The following COL4A4 variants were observed in gnomAD, a reference collection of about 807,000 sequenced individuals.
COL4A4 encodes collagen alpha-4(IV) chain.
A neutral mutation model predicts 192.9 loss-of-function variants in COL4A4; 105 were observed. The observed-to-expected ratio is 0.54, with a 90% CI of 0.46 to 0.64. COL4A4 has a LOEUF of 0.64. Among genes scored for constraint, COL4A4 ranks in the 30% least tolerant of loss-of-function variants. The pLI, the probability that COL4A4 is intolerant of heterozygous loss-of-function variation, is 0.00. For missense variants in COL4A4, 1,967 were observed against 2,169.3 expected, an observed-to-expected ratio of 0.91 and a Z score of 1.85; for synonymous variants, 762 against 769.9, an observed-to-expected ratio of 0.99 and a Z score of 0.17.
the COL4A4 span, among the ~76,000 whole-genome samples, chr2:226,974,741 A>G: frequency 6.6e-6 from 1 of 152,216 alleles, no homozygotes; most frequent in Non-Finnish European, 1.5e-5. Flanking sequence ...ACCCAAGAGC[A>G]GGGTGGATAC....
chr2:227,103,916 T>C, intron 13 of COL4A4, 56 bp downstream of exon 13: 1 of 1,382,678 alleles, frequency 7.2e-7, no homozygotes, highest in South Asian at 1.2e-5. Context: ...CAGATCCATG[T>C]CAAAAAATAT....
Position 227,059,511 on chromosome 2 carries a change from C to T in COL4A4, c.2277G>A (p.Pro759=), listed in dbSNP as rs376082013. Residue 759 remains proline, a synonymous_variant, in exon 28 of 48, where the codon CCG becomes CCA. Coordinates refer to ENST00000396625, the MANE Select transcript of COL4A4 (RefSeq NM_000092.5). ...CCAGGTGACCAAATGCAGGGTCTCC[C>T]GGGATTCCTTTCTGACCATTCACTC... ...SPGVNGQKGI[P]GDPAFGHLGP... is the part of the protein sequence containing the mutation. The T allele has an allele frequency of 9.9e-6, 16 of 1,614,004 alleles. No individual in the cohort carries two copies. Among genetic ancestry groups the T allele is most frequent in the South Asian group, 3.3e-5 (3 of 91,094 alleles).
At chr2:227,133,736 A>G (rs1404924152) in intron 4 of COL4A4, among the ~76,000 whole-genome samples, 11 of 152,196 alleles carry the variant, frequency 7.2e-5, no homozygotes, top group Non-Finnish European at 1.3e-4. Context: ...TACTAAAAAT[A>G]CAAACATTAG....
At position 227,012,179 on chromosome 2, in the gene COL4A4, A is replaced by T. The variant is rs755927061; in HGVS notation, c.4333+2T>A. The T allele has an allele frequency of 6.2e-7, 1 of 1,607,662 alleles. No homozygotes were observed. Among genetic ancestry groups the T allele is most frequent in the Admixed American group, 1.7e-5 (1 of 60,014 alleles). ...AGAAAAGAGGAGTGACTGAAACTCT[A>T]CCTGGTCCTCCAGGGTAGCCGTCTT... On this transcript the variant is annotated splice_donor_variant, in intron 45 of 47. Transcript: ENST00000396625. LOFTEE classifies it high-confidence loss of function.
chr2:227,029,048 G>A (rs1015541869), intron 41 of COL4A4, among the ~76,000 whole-genome samples: 6 of 152,188 alleles, frequency 3.9e-5, no homozygotes, highest in Non-Finnish European at 7.3e-5. Flanking sequence ...TTGTCACTGT[G>A]TAAGTCATAA....
chr2:227,146,553 CCA>C (rs2125376507), intron 2 of COL4A4, among the ~76,000 whole-genome samples: 1 of 152,276 alleles, frequency 6.6e-6, no homozygotes, highest in Admixed American at 6.5e-5. Flanking sequence ...TCACACGTTA[CCA>C]CACACTCAGA....
chr2:227,084,111 TAGAA>T (rs1474852473), intron 22 of COL4A4, among the ~76,000 whole-genome samples: 1 of 152,224 alleles, frequency 6.6e-6, no homozygotes, highest in African/African-American at 2.4e-5. Flanking sequence ...ATCAATATAT[TAGAA>T]AGAATTAGAA....
At chr2:227,150,575 C>T (rs544920884) in intron 1 of COL4A4, among the ~76,000 whole-genome samples, 29 of 152,160 alleles carry the variant, frequency 1.9e-4, no homozygotes, top group Non-Finnish European at 3.2e-4. Context: ...AGAAGAAATA[C>T]CTGAGACTGG....
rs959859102 is a variant in COL4A4, at chr2:227,123,588, C to T, written c.193-2440G>A. Among the ~76,000 whole-genome samples the T allele has an allele frequency of 6.6e-6, 1 of 152,180 alleles. No individual in the cohort carries two copies. Among genetic ancestry groups the T allele is most frequent in the Non-Finnish European group, 1.5e-5 (1 of 68,030 alleles). ...GCCCACATCTCAGTGTTATCCCGCC[C>T]TAGGGGAAGGGAGTGGGGGTATTTA... On this transcript the variant is annotated intron_variant, in intron 4 of 47. Transcript: ENST00000396625. The surrounding 1 kb of genome is among the most constrained non-coding windows in gnomAD (Gnocchi z 4.6).
chr2:227,054,586 T>G lies in COL4A4; in HGVS notation c.2860+8A>C. 6.2e-7 allele frequency: 1 copy of G among 1,614,138 alleles called. No individual in the cohort carries two copies. The highest frequency in any genetic ancestry group is 1.6e-4 in the Middle Eastern group (1 of 6,062). Reference sequence around the variant, plus strand: ...CAAATGCATGTTGCATGGCTGTATTTTATTTACCTTTGGCCCCTCTCAGTC... The same window carrying G: ...CAAATGCATGTTGCATGGCTGTATTGTATTTACCTTTGGCCCCTCTCAGTC... On this transcript the variant is annotated splice_region_variant and intron_variant, in intron 31 of 47. Coordinates refer to ENST00000396625, the MANE Select transcript of COL4A4 (RefSeq NM_000092.5).
intron 44 of COL4A4, among the ~76,000 whole-genome samples, chr2:227,021,231 G>A (rs1004899403): frequency 6.6e-6 from 1 of 152,086 alleles, no homozygotes; most frequent in East Asian, 1.9e-4. Context: ...ACTTGAATAA[G>A]GATCCTGCCA....
At chr2:227,027,249 C>CA (rs35287644) in intron 42 of COL4A4, among the ~76,000 whole-genome samples, 2,358 of 121,564 alleles carry the variant, frequency 0.019, 67 homozygotes, top group African/African-American at 0.061. Flanking sequence ...AAGACTGTCT[C>CA]AAAAAAAAAA....
chr2:227,141,412 T>G (rs1326883243), intron 3 of COL4A4, among the ~76,000 whole-genome samples: 2 of 152,176 alleles, frequency 1.3e-5, no homozygotes, highest in Non-Finnish European at 2.9e-5. Context: ...TATGTATGTG[T>G]GAATGCATTG....
chr2:226,975,540 A>T, the COL4A4 span, among the ~76,000 whole-genome samples: 1 of 152,118 alleles, frequency 6.6e-6, no homozygotes, highest in Non-Finnish European at 1.5e-5. Flanking sequence ...TCCTACTCAG[A>T]TGATAGAAAA....
chr2:227,148,351 A>G (rs1006409554), intron 1 of COL4A4, among the ~76,000 whole-genome samples: 54 of 152,270 alleles, frequency 3.5e-4, no homozygotes, highest in Non-Finnish European at 1.5e-4. Context: ...GATATGTGCT[A>G]CAGCATGAAT....
intron 21 of COL4A4, 123 bp from the exon 22 acceptor site, chr2:227,088,939 A>T: frequency 8.6e-7 from 1 of 1,169,516 alleles, no homozygotes. Context: ...CTTCTTGCAG[A>T]CAATTGAGAG....
intron 37 of COL4A4, among the ~76,000 whole-genome samples, chr2:227,037,997 T>C (rs1351137855): frequency 6.6e-6 from 1 of 152,182 alleles, no homozygotes; most frequent in African/African-American, 2.4e-5. Context: ...ATTGCAAAAA[T>C]TTTCTCCCAT....
At chr2:227,065,193 G>A (rs183678386) in intron 25 of COL4A4, among the ~76,000 whole-genome samples, 23 of 152,218 alleles carry the variant, frequency 1.5e-4, no homozygotes, top group African/African-American at 4.3e-4. Context: ...CTTAAAAAAC[G>A]GCGCACCAGG....
At chr2:226,982,438 G>A in the COL4A4 span, among the ~76,000 whole-genome samples, 1 of 152,166 alleles carries the variant, frequency 6.6e-6, no homozygotes, top group South Asian at 2.1e-4. Flanking sequence ...TACTAATCAG[G>A]CTTATGGTAG....
Sources: gnomAD v4.1 joint callset for allele counts (sites outside exome capture counted in the v4.1 genomes callset) on GRCh38, gnomAD v4.1.1 for gene constraint, Gnocchi (gnomAD v3.1) non-coding constraint, MANE v1.5 for transcripts, NCBI Gene and HGNC (gene_info 2026-07-23, HGNC 2026-07-21) for gene names.